The following B4GALNT3 variants were observed in gnomAD, a reference collection of about 807,000 sequenced individuals.
B4GALNT3 encodes beta-1,4-N-acetylgalactosaminyltransferase 3.
Under a neutral mutation model 120.2 loss-of-function variants are expected in B4GALNT3, and 86 were observed. The ratio of observed to expected loss-of-function variants is 0.72; its 90% CI spans 0.60 to 0.86. The LOEUF (loss-of-function observed/expected upper bound fraction) is 0.86. Ranked by LOEUF, B4GALNT3 falls within the 40% of genes least tolerant of loss-of-function variation. B4GALNT3 has a pLI of 0.00. For missense variants in B4GALNT3, 1,167 were observed against 1,298.9 expected (o/e 0.90, Z 1.56); for synonymous variants, 518 against 510.4 (o/e 1.01, Z -0.20).
chr12:479,915 C>CT (rs55829689), intron 1 of B4GALNT3, among the ~76,000 whole-genome samples: 14 of 105,438 alleles, frequency 1.3e-4, no homozygotes, highest in African/African-American at 4.6e-4. Flanking sequence ...ATGGGGAGTT[C>CT]TTTTTTTTTT....
At chr12:523,511 C>T (rs545382129) in intron 1 of B4GALNT3, among the ~76,000 whole-genome samples, 4 of 152,322 alleles carry the variant, frequency 2.6e-5, no homozygotes, top group East Asian at 3.9e-4. Flanking sequence ...CCAGCGTCCT[C>T]CCCGGAATAC....
intron 1 of B4GALNT3, among the ~76,000 whole-genome samples, chr12:481,237 A>G (rs1037713731): frequency 1.5e-4 from 23 of 152,196 alleles, no homozygotes; most frequent in Non-Finnish European, 7.4e-5. Context: ...GCTTAGGTCA[A>G]CTAAGGGGAT....
At chr12:474,723 G>A (rs1295084966) in intron 1 of B4GALNT3, among the ~76,000 whole-genome samples, 1 of 152,100 alleles carries the variant, frequency 6.6e-6, no homozygotes, top group African/African-American at 2.4e-5. Flanking sequence ...ATTTTGGGAG[G>A]CTGAGATGGG....
chr12:503,314 A>C (rs1400541563), intron 1 of B4GALNT3, among the ~76,000 whole-genome samples: 1 of 150,602 alleles, frequency 6.6e-6, no homozygotes, highest in Non-Finnish European at 1.5e-5. Flanking sequence ...CACAATCTCA[A>C]CTCTGCCCCA....
intron 1 of B4GALNT3, among the ~76,000 whole-genome samples, chr12:513,141 A>G (rs1250911004): frequency 9.3e-6 from 1 of 107,424 alleles, no homozygotes; most frequent in East Asian, 2.9e-4. Flanking sequence ...TCCACCTTCC[A>G]CCTTCGACCT....
Position 548,445 on chromosome 12 carries a change from G to A in B4GALNT3, c.853+148G>A. On this transcript the variant is annotated intron_variant, in intron 9 of 19. Transcript: ENST00000266383. This position sits in a 1 kb window ranked among gnomAD's most constrained non-coding sequence, Gnocchi z 4.9. Reference sequence around the variant, plus strand: ...TATGAAGGGGTCCAGAACAAGAGTGGGACCTTATGACCAGGAGTCCTTAAC... The same window carrying A: ...TATGAAGGGGTCCAGAACAAGAGTGAGACCTTATGACCAGGAGTCCTTAAC... 1.4e-6 allele frequency: 1 copy of A among 707,968 alleles called. No homozygotes were observed. The highest frequency in any genetic ancestry group is 2.4e-6 in the Non-Finnish European group (1 of 415,304). The allele number at this position is 707,968 out of a possible 1,614,324, so 43.9% of individuals were successfully genotyped here. A position where few individuals can be genotyped will look rare whatever the true frequency, so the allele number is the denominator to read the frequency against.
chr12:544,547 C>G, intron 4 of B4GALNT3, 113 bp downstream of exon 4: 2 of 981,784 alleles, frequency 2.0e-6, no homozygotes, highest in Non-Finnish European at 3.2e-6. Flanking sequence ...TCCTTTATCT[C>G]TTGAGCTCTC....
chr12:557,687 C>A lies in B4GALNT3; in HGVS notation c.2460C>A (p.Phe820Leu). The A allele has an allele frequency of 6.2e-7, 1 of 1,609,508 alleles. No homozygotes were observed. Among genetic ancestry groups the A allele is most frequent in the South Asian group, 1.1e-5 (1 of 90,518 alleles). ...TCCAGGTCACCGGTGACCCACACTTCAACATCGTCATCACTGACTATAGCA... is the reference window on the plus strand; with the variant it reads ...TCCAGGTCACCGGTGACCCACACTTAAACATCGTCATCACTGACTATAGCA... ...NLFQVTGDPHFNIVITDYSSE... is the reference protein window; with the variant it reads ...NLFQVTGDPHLNIVITDYSSE... Residue 820 changes from phenylalanine to leucine, a missense_variant, in exon 16 of 20, where the codon TTC becomes TTA. Physicochemically the swap from Phe to Leu is conservative, Grantham distance 22. This residue lies in a region of B4GALNT3 where 983 missense variants were observed against 1,102.5 expected (regional missense o/e 0.89). Coordinates refer to ENST00000266383, the MANE Select transcript of B4GALNT3 (RefSeq NM_173593.4).
At chr12:471,512 G>C (rs1043170437) in intron 1 of B4GALNT3, among the ~76,000 whole-genome samples, 1 of 151,828 alleles carries the variant, frequency 6.6e-6, no homozygotes, top group Non-Finnish European at 1.5e-5. Context: ...TTCAAGACCA[G>C]CCTGGCCAAC....
chr12:505,394 C>A (rs1434707265), intron 1 of B4GALNT3, among the ~76,000 whole-genome samples: 1 of 152,130 alleles, frequency 6.6e-6, no homozygotes, highest in Non-Finnish European at 1.5e-5. Context: ...TACAGCAGCC[C>A]CCTTTCCTCT....
chr12:539,723 G>C (rs565484880), intron 3 of B4GALNT3, among the ~76,000 whole-genome samples: 1 of 152,142 alleles, frequency 6.6e-6, no homozygotes, highest in East Asian at 1.9e-4. Context: ...GACCACCCTG[G>C]ACAGCATAGG....
chr12:518,236 G>T (rs182206640), intron 1 of B4GALNT3, among the ~76,000 whole-genome samples: 1 of 152,284 alleles, frequency 6.6e-6, no homozygotes, highest in Admixed American at 6.5e-5. Flanking sequence ...CTCTGAAAGT[G>T]GTTCTTACCC....
At chr12:546,230 G>GGGAGTGGGGAGGGGGGGAGA (rs1947006305) in intron 6 of B4GALNT3, among the ~76,000 whole-genome samples, 1 of 106,926 alleles carries the variant, frequency 9.4e-6, no homozygotes. Context: ...GTGGGAGGAG[G>GGGAGTGGGGAGGGGGGGAGA]GGAGTGGGGA....
chr12:461,272 T>A (rs1946020378), intron 1 of B4GALNT3, among the ~76,000 whole-genome samples: 1 of 152,150 alleles, frequency 6.6e-6, no homozygotes, highest in African/African-American at 2.4e-5. Flanking sequence ...GACAGCACAG[T>A]GGACCGGGCA....
chr12:490,700 C>T (rs10849099), intron 1 of B4GALNT3, among the ~76,000 whole-genome samples: 15,990 of 151,380 alleles, frequency 0.11, 991 homozygotes, highest in East Asian at 0.21. Context: ...TGCACTCCAG[C>T]CTGGGTGACA....
chr12:558,085 G>A lies in B4GALNT3; in HGVS notation c.2604G>A (p.Val868=), dbSNP rs1200103808. 2 of 1,613,814 alleles carry A rather than the reference G, an allele frequency of 1.2e-6. No individual in the cohort carries two copies. Among genetic ancestry groups the A allele is most frequent in the Non-Finnish European group, 8.5e-7 (1 of 1,179,982 alleles). Residue 868 remains valine (V), a synonymous_variant, in exon 17 of 20, where the codon GTG becomes GTA. Transcript: ENST00000266383. ...SAGLQAGIDL[V]KDPHSIIFLC... Reference sequence around the variant, plus strand: ...GACTTCAGGCTGGCATAGACCTCGTGAAGGTAAAGGGCCTGGATGGGGCCT... The same window carrying A: ...GACTTCAGGCTGGCATAGACCTCGTAAAGGTAAAGGGCCTGGATGGGGCCT...
chr12:463,664 G>C (rs1385642994), intron 1 of B4GALNT3, among the ~76,000 whole-genome samples: 1 of 152,144 alleles, frequency 6.6e-6, no homozygotes, highest in Admixed American at 6.5e-5. Context: ...TGAAATGGGG[G>C]CACAGCTCTC....
In B4GALNT3 at chr12:495,917, A is replaced by G. The variant is rs535725370; in HGVS notation, c.169+35372A>G. ...AATGATATACATTTGAAAAGTTTACATGTATTAAACTTTATTGACAGTATA... is the reference window on the plus strand; with the variant it reads ...AATGATATACATTTGAAAAGTTTACGTGTATTAAACTTTATTGACAGTATA... On this transcript the variant is annotated intron_variant, in intron 1 of 19. Coordinates refer to ENST00000266383, the MANE Select transcript of B4GALNT3 (RefSeq NM_173593.4). Among the ~76,000 whole-genome samples, 9 of 152,330 alleles carry G rather than the reference A, an allele frequency of 5.9e-5. No homozygotes were observed. The East Asian group carries it at 1.7e-3, about 29-fold the overall frequency.
chr12:545,322 G>T, intron 5 of B4GALNT3, 47 bp from the exon 6 acceptor site: 1 of 1,570,566 alleles, frequency 6.4e-7, no homozygotes, highest in Non-Finnish European at 8.6e-7. Context: ...CAGCTTTTAT[G>T]CTGATGCCCT....
Sources: gnomAD v4.1 joint callset for allele counts (sites outside exome capture counted in the v4.1 genomes callset) on GRCh38, gnomAD v4.1.1 for gene constraint, gnomAD v4.1.1 regional missense constraint, Gnocchi (gnomAD v3.1) non-coding constraint, MANE v1.5 for transcripts, NCBI Gene and HGNC (gene_info 2026-07-23, HGNC 2026-07-21) for gene names.